SORCS3: variants seen among roughly 807,000 people sequenced by gnomAD.
SORCS3 encodes the protein sortilin related VPS10 domain containing receptor 3.
SORCS3 carries 57 observed loss-of-function variants against 146.3 expected under a neutral mutation model. That is an observed-to-expected ratio of 0.39 (90% CI 0.31 to 0.49). The LOEUF (loss-of-function observed/expected upper bound fraction) is 0.49. Among genes scored for constraint, SORCS3 ranks in the 20% least tolerant of loss-of-function variants. The probability of loss-of-function intolerance (pLI) is 0.92; values close to 1 mark genes in which losing one functional copy is unlikely to be tolerated. For missense variants in SORCS3, 1,341 were observed against 1,575.5 expected, an observed-to-expected ratio of 0.85 and a Z score of 2.52; for synonymous variants, 653 against 618.5, an observed-to-expected ratio of 1.06 and a Z score of -0.83.
intron 1 of SORCS3, among the ~76,000 whole-genome samples, chr10:104,760,206 G>T (rs74717388): frequency 0.018 from 2,773 of 152,230 alleles, 105 homozygotes; most frequent in African/African-American, 0.061. Context: ...AGCAGGAGTG[G>T]GGTCTTGTGT....
chr10:104,973,131 A>T (rs1315437740), intron 3 of SORCS3, among the ~76,000 whole-genome samples: 1 of 152,152 alleles, frequency 6.6e-6, no homozygotes, highest in Non-Finnish European at 1.5e-5. Flanking sequence ...ATCAATGTTC[A>T]TCAAGGATAT....
At chr10:104,737,176 C>A (rs1402824862) in intron 1 of SORCS3, among the ~76,000 whole-genome samples, 1 of 152,196 alleles carries the variant, frequency 6.6e-6, no homozygotes, top group African/African-American at 2.4e-5. Context: ...TCCAGTCTAT[C>A]CCTGTTGGAC....
At chr10:105,261,415 A>G (rs6584660) in intron 25 of SORCS3, among the ~76,000 whole-genome samples, 14,110 of 152,168 alleles carry the variant, frequency 0.093, 757 homozygotes, top group Middle Eastern at 0.22. Flanking sequence ...CAACTGATGA[A>G]CAGCATCAGC....
At chr10:104,659,713 T>G (rs1232253598) in intron 1 of SORCS3, among the ~76,000 whole-genome samples, 1 of 152,186 alleles carries the variant, frequency 6.6e-6, no homozygotes, top group East Asian at 1.9e-4. Context: ...TGTGAGGATT[T>G]AGTGAGTTTA....
At chr10:104,790,059 C>T (rs2017478622) in intron 1 of SORCS3, among the ~76,000 whole-genome samples, 1 of 152,182 alleles carries the variant, frequency 6.6e-6, no homozygotes, top group Admixed American at 6.5e-5. Flanking sequence ...AGCAGGAGAG[C>T]CTGTCCAGGA....
chr10:104,784,872 G>A (rs1014161936), intron 1 of SORCS3, among the ~76,000 whole-genome samples: 1 of 152,158 alleles, frequency 6.6e-6, no homozygotes, highest in African/African-American at 2.4e-5. Context: ...GCTCATTCTG[G>A]AGATGATGTT....
chr10:105,070,587 T>C (rs1275077399), intron 5 of SORCS3, among the ~76,000 whole-genome samples: 1 of 152,186 alleles, frequency 6.6e-6, no homozygotes, highest in Non-Finnish European at 1.5e-5. Context: ...CCCAGCCCTT[T>C]TAAGAACTCT....
intron 21 of SORCS3, 36 bp downstream of exon 21, chr10:105,245,701 C>A (rs115222804): frequency 6.2e-7 from 1 of 1,606,524 alleles, no homozygotes; most frequent in African/African-American, 1.3e-5. Flanking sequence ...TGCTCCTTCC[C>A]GCTCAGTTAA....
chr10:104,874,754 T>G (rs2018553732), intron 2 of SORCS3, among the ~76,000 whole-genome samples: 1 of 152,166 alleles, frequency 6.6e-6, no homozygotes, highest in Non-Finnish European at 1.5e-5. Context: ...ATCATATTCT[T>G]TACCATATCC....
At chr10:105,133,607 A>C (rs2133773949) in intron 7 of SORCS3, among the ~76,000 whole-genome samples, 1 of 152,236 alleles carries the variant, frequency 6.6e-6, no homozygotes, top group Middle Eastern at 3.4e-3. Context: ...TCTTAGTTTT[A>C]TTACCTTACT....
At chr10:104,843,160 C>A (rs141843044) in intron 2 of SORCS3, among the ~76,000 whole-genome samples, 1 of 152,092 alleles carries the variant, frequency 6.6e-6, no homozygotes, top group Non-Finnish European at 1.5e-5. Flanking sequence ...TAAACATGCA[C>A]GAGTAGAGGT....
intron 1 of SORCS3, among the ~76,000 whole-genome samples, chr10:104,754,054 C>A (rs2017018684): frequency 1.3e-5 from 2 of 152,004 alleles, no homozygotes; most frequent in Admixed American, 1.3e-4. Flanking sequence ...GTTCAGGGGC[C>A]CTATTTGGGC....
At chr10:104,964,889 C>A (rs183105453) in intron 3 of SORCS3, among the ~76,000 whole-genome samples, 1 of 152,252 alleles carries the variant, frequency 6.6e-6, no homozygotes, top group Admixed American at 6.5e-5. Context: ...TCCGCCTAGC[C>A]TTAGTATCTA....
chr10:104,857,970 AT>A (rs1211990805), intron 2 of SORCS3, among the ~76,000 whole-genome samples: 2 of 152,152 alleles, frequency 1.3e-5, no homozygotes, highest in Non-Finnish European at 2.9e-5. Flanking sequence ...CCTAATTCTG[AT>A]TTACTTTGAA....
chr10:104,825,442 A>T (rs1438222919), intron 1 of SORCS3, among the ~76,000 whole-genome samples: 1 of 152,226 alleles, frequency 6.6e-6, no homozygotes, highest in African/African-American at 2.4e-5. Context: ...AAAGAAACAG[A>T]TCACTTATAT....
intron 3 of SORCS3, among the ~76,000 whole-genome samples, chr10:104,957,554 A>AACACACACACACACAC (rs10660859): frequency 6.8e-4 from 101 of 148,468 alleles, no homozygotes; most frequent in African/African-American, 2.4e-3. Context: ...AAGGAAAGAA[A>AACACACACACACACAC]ACACACACAC....
intron 1 of SORCS3, among the ~76,000 whole-genome samples, chr10:104,726,852 A>G (rs1270834776): frequency 6.6e-6 from 1 of 152,114 alleles, no homozygotes; most frequent in Non-Finnish European, 1.5e-5. Context: ...CAGCAGTCCC[A>G]GTTGACCTGG....
At chr10:104,940,238 ATTTTTTTTTT>A (rs1186082602) in intron 3 of SORCS3, among the ~76,000 whole-genome samples, 23 of 31,520 alleles carry the variant, frequency 7.3e-4, no homozygotes, top group African/African-American at 2.4e-3. Context: ...ATATATATAT[ATTTTTTTTTT>A]TTTTTTTATT....
intron 12 of SORCS3, among the ~76,000 whole-genome samples, chr10:105,166,461 A>G (rs1379022691): frequency 6.6e-6 from 1 of 152,218 alleles, no homozygotes; most frequent in Non-Finnish European, 1.5e-5. Flanking sequence ...TATAAAAGTC[A>G]TATCTGGTAT....
Sources: allele counts gnomAD v4.1 joint callset (sites outside exome capture counted in the v4.1 genomes callset), GRCh38; gene constraint gnomAD v4.1.1; transcripts MANE v1.5; gene names NCBI Gene and HGNC (gene_info 2026-07-23, HGNC 2026-07-21).